BCL7C: variants seen among roughly 807,000 people sequenced by gnomAD.
BCL7C encodes BAF chromatin remodeling complex subunit BCL7C.
BCL7C carries 8 observed loss-of-function variants against 26.2 expected under a neutral mutation model. That is an observed-to-expected ratio of 0.30 (90% CI 0.18 to 0.55). BCL7C has a LOEUF of 0.55. BCL7C is among the 20% of genes least tolerant of loss of function. The pLI, the probability that BCL7C is intolerant of heterozygous loss-of-function variation, is 0.93. For missense variants in BCL7C, 262 were observed against 298.5 expected, an observed-to-expected ratio of 0.88 and a Z score of 0.90; for synonymous variants, 90 against 116.5, an observed-to-expected ratio of 0.77 and a Z score of 1.47.
At position 30,838,559 on chromosome 16, in the gene BCL7C, G is replaced by A. The variant is rs557351536; in HGVS notation, c.529-3411C>T. On this transcript the variant is annotated intron_variant, in intron 5 of 5. Coordinates refer to the BCL7C transcript ENST00000380317. ...GCACTTTGGGAGGCCAAGGTGGGTG[G>A]GTCACTTGAGGTCAGGAGTTTGAGA... Among the ~76,000 whole-genome samples, 9 of 152,310 alleles carry A rather than the reference G, an allele frequency of 5.9e-5. No individual in the cohort carries two copies. The South Asian group carries it at 1.9e-3, about 32-fold the overall frequency.
At chr16:30,868,441 CTG>C (rs1395083043) in intron 5 of BCL7C, among the ~76,000 whole-genome samples, 2 of 148,290 alleles carry the variant, frequency 1.3e-5, no homozygotes, top group Non-Finnish European at 3.0e-5. Flanking sequence ...CCCGCCAAAT[CTG>C]TGTTGTTTTA....
chr16:30,858,955 C>T (rs1442837104), intron 5 of BCL7C, among the ~76,000 whole-genome samples: 1 of 152,194 alleles, frequency 6.6e-6, no homozygotes, highest in Non-Finnish European at 1.5e-5. Context: ...AACGAGAATC[C>T]TCTAAGGGTG....
intron 5 of BCL7C, among the ~76,000 whole-genome samples, chr16:30,862,608 C>T (rs1158524861): frequency 6.6e-6 from 1 of 152,096 alleles, no homozygotes; most frequent in African/African-American, 2.4e-5. Context: ...TCGTATCCCC[C>T]TCCAAAGCCC....
exon 6 of BCL7C, chr16:30,835,127 T>A: frequency 6.6e-7 from 1 of 1,522,494 alleles, no homozygotes; most frequent in Non-Finnish European, 8.9e-7. Flanking sequence ...AGGGCTCTCC[T>A]CGTCATTCTC....
At chr16:30,885,564 C>T (rs985935479), downstream of BCL7C, among the ~76,000 whole-genome samples, 4 of 152,028 alleles carry the variant, frequency 2.6e-5, no homozygotes, top group Middle Eastern at 3.2e-3. Flanking sequence ...CCACTATGCC[C>T]AGCCAACTTT....
At chr16:30,873,870 G>GAT (rs1232256114) in intron 5 of BCL7C, among the ~76,000 whole-genome samples, 10 of 142,558 alleles carry the variant, frequency 7.0e-5, no homozygotes, top group Non-Finnish European at 3.0e-5. Flanking sequence ...AAATTGTACA[G>GAT]ATATATATAC....
chr16:30,871,636 C>T (rs942002320), intron 5 of BCL7C, among the ~76,000 whole-genome samples: 1 of 152,086 alleles, frequency 6.6e-6, no homozygotes, highest in Non-Finnish European at 1.5e-5. Flanking sequence ...AGGCAGGCAC[C>T]ACCACACCTG....
chr16:30,849,769 T>C (rs879590909), intron 5 of BCL7C, among the ~76,000 whole-genome samples: 5 of 151,598 alleles, frequency 3.3e-5, no homozygotes, highest in Non-Finnish European at 4.4e-5. Context: ...TCTTTTTTTT[T>C]TTTTTGGAGT....
At chr16:30,869,321 A>AC (rs2054862000) in intron 5 of BCL7C, among the ~76,000 whole-genome samples, 2 of 150,364 alleles carry the variant, frequency 1.3e-5, no homozygotes, top group African/African-American at 4.9e-5. Context: ...CAATCCTCCC[A>AC]CCTCAGCCTC....
Position 30,893,432 on chromosome 16 carries a change from T to C in BCL7C, c.93-142A>G. 1.6e-6 allele frequency: 1 copy of C among 635,186 alleles called. No individual in the cohort carries two copies. The highest frequency in any genetic ancestry group is 2.7e-6 in the Non-Finnish European group (1 of 364,492). The allele number at this position is 635,186 out of a possible 1,614,324, so 39.3% of individuals were successfully genotyped here. ...GTTTTGCTAATGGGGCATAGTTACA[T>C]GGAGGAAGAGAGTCCTGCAAACCCC... On this transcript the variant is annotated intron_variant, in intron 1 of 5. Transcript: ENST00000215115. The surrounding 1 kb of genome is among the most constrained non-coding windows in gnomAD (Gnocchi z 5.2).
At chr16:30,867,006 A>G (rs1030470988) in intron 5 of BCL7C, among the ~76,000 whole-genome samples, 5 of 152,356 alleles carry the variant, frequency 3.3e-5, no homozygotes, top group Non-Finnish European at 2.9e-5. Flanking sequence ...GTGAGCTACA[A>G]TTGTGCTACT....
At chr16:30,870,112 A>C (rs1398613154) in intron 5 of BCL7C, among the ~76,000 whole-genome samples, 1 of 152,102 alleles carries the variant, frequency 6.6e-6, no homozygotes, top group Non-Finnish European at 1.5e-5. Flanking sequence ...AATGGGAGCC[A>C]TTGTTACCAT....
At position 30,892,491 on chromosome 16, in the gene BCL7C, A is replaced by G. The variant is rs112877345; in HGVS notation, c.442+95T>C. 3,912 of 1,338,574 alleles carry G rather than the reference A, an allele frequency of 2.9e-3. 54 individuals carry two copies. The African/African-American group carries it at 0.035, about 12-fold the overall frequency. 82.9% of individuals were successfully genotyped at this position (1,338,574 alleles called of 1,614,324 possible). A position where few individuals can be genotyped will look rare whatever the true frequency, so the allele number is the denominator to read the frequency against. On this transcript the variant is annotated intron_variant, in intron 4 of 5. Transcript: ENST00000215115. ...GGAAGGCGCCTTGAGGAGGGTGCAC[A>G]AGACGGGGAGCAGGTATAGGGATGA...
rs1187827463 is a variant in BCL7C at position 30,879,689 on chromosome 16, CAAAAA to C, written c.528+9166_528+9170del. Among the ~76,000 whole-genome samples, 79 of 29,406 alleles carry C rather than the reference CAAAAA, an allele frequency of 2.7e-3. 7 individuals are homozygous for C. Among genetic ancestry groups the C allele is most frequent in the Non-Finnish European group, 4.0e-3 (67 of 16,958 alleles). 19.3% of individuals were successfully genotyped at this position (29,406 alleles called of 152,430 possible). A position where few individuals can be genotyped will look rare whatever the true frequency, so the allele number is the denominator to read the frequency against. Reference sequence around the variant, plus strand: ...AACACAGAGAGACTCCCCTTCTCTACAAAAAAAAAAAAAAAAAAAACTGGGCACGG... The same window carrying C: ...AACACAGAGAGACTCCCCTTCTCTACAAAAAAAAAAAAAAACTGGGCACGG... On this transcript the variant is annotated intron_variant, in intron 5 of 5. Coordinates refer to the BCL7C transcript ENST00000380317.
downstream of BCL7C, among the ~76,000 whole-genome samples, chr16:30,886,663 C>T (rs1225390346): frequency 6.6e-6 from 1 of 152,104 alleles, no homozygotes; most frequent in Non-Finnish European, 1.5e-5. Context: ...GAGAATGAAG[C>T]CCAAGGGGTT....
chr16:30,848,447 C>A (rs116900464), intron 5 of BCL7C, among the ~76,000 whole-genome samples: 1 of 152,260 alleles, frequency 6.6e-6, no homozygotes, highest in East Asian at 1.9e-4. Context: ...GCAGCAGAGA[C>A]CACCAGGCAA....
At chr16:30,863,358 A>C (rs1462014280) in intron 5 of BCL7C, among the ~76,000 whole-genome samples, 2 of 152,118 alleles carry the variant, frequency 1.3e-5, no homozygotes, top group Non-Finnish European at 2.9e-5. Context: ...TATGCATCAA[A>C]ATTTATACTG....
At chr16:30,850,862 G>A (rs1452849382) in intron 5 of BCL7C, among the ~76,000 whole-genome samples, 1 of 152,062 alleles carries the variant, frequency 6.6e-6, no homozygotes, top group Admixed American at 6.6e-5. Flanking sequence ...TGTATATATA[G>A]GCTACACTAA....
intron 5 of BCL7C, among the ~76,000 whole-genome samples, chr16:30,874,941 C>A (rs1280991523): frequency 6.6e-6 from 1 of 152,192 alleles, no homozygotes; most frequent in Non-Finnish European, 1.5e-5. Context: ...TGCAGCCGCA[C>A]TGGAGACCGG....
Sources: allele counts gnomAD v4.1 joint callset (sites outside exome capture counted in the v4.1 genomes callset), GRCh38; gene constraint gnomAD v4.1.1; non-coding constraint Gnocchi (gnomAD v3.1); transcripts MANE v1.5; gene names NCBI Gene and HGNC (gene_info 2026-07-23, HGNC 2026-07-21).